Variants in TMEM151B observed in about 807,000 individuals in gnomAD.
TMEM151B encodes the protein transmembrane protein 151B, also known as transmembrane protein 193.
A neutral mutation model predicts 33.0 loss-of-function variants in TMEM151B; 18 were observed. The ratio of observed to expected loss-of-function variants is 0.55; its 90% CI spans 0.38 to 0.81. TMEM151B has a LOEUF of 0.81. TMEM151B is among the 30% of genes least tolerant of loss of function. The pLI is 0.00. For missense variants in TMEM151B, 672 were observed against 843.4 expected (o/e 0.80, Z 2.52); for synonymous variants, 354 against 373.6 (o/e 0.95, Z 0.61).
At position 44,276,371 on chromosome 6, in the gene TMEM151B, C is replaced by CGACGAG. The variant is rs999617456; in HGVS notation, c.1551_1556dup (p.Glu517_Asp518dup). The CGACGAG allele has an allele frequency of 8.6e-6, 13 of 1,512,352 alleles. No individual in the cohort carries two copies. The highest frequency in any genetic ancestry group is 2.7e-5 in the East Asian group (1 of 37,656). The allele number at this position is 1,512,352 out of a possible 1,614,324, so 93.7% of individuals were successfully genotyped here. A position where few individuals can be genotyped will look rare whatever the true frequency, so the allele number is the denominator to read the frequency against. ...TGTCCAGCCAGGCCAGCATGGGGGA[C>CGACGAG]GACGAGGACGACGACGAGGAGGAGG... On this transcript the variant is annotated inframe_insertion, in exon 3 of 3. Coordinates refer to ENST00000451188, the MANE Select transcript of TMEM151B (RefSeq NM_001137560.2).
At chr6:44,271,061 G>A (rs1305147049) in intron 1 of TMEM151B, among the ~76,000 whole-genome samples, 184 bp downstream of exon 1, 2 of 150,544 alleles carry the variant, frequency 1.3e-5, no homozygotes, top group African/African-American at 2.4e-5. Flanking sequence ...CGGTGCCGGG[G>A]AAGGGGCCGC....
Position 44,270,753 on chromosome 6 carries a change from C to G in TMEM151B, c.11C>G (p.Pro4Arg). 1 of 1,094,614 alleles carries G rather than the reference C, an allele frequency of 9.1e-7. No individual in the cohort carries two copies. The highest frequency in any genetic ancestry group is 4.4e-5 in the South Asian group (1 of 22,772). 67.8% of individuals were successfully genotyped at this position (1,094,614 alleles called of 1,614,324 possible). ...CGCCCCCTCTACGCCATGTCCCCCCCTGGCTCGGCCGCGGGAGAGAGCGCC... is the reference window on the plus strand; with the variant it reads ...CGCCCCCTCTACGCCATGTCCCCCCGTGGCTCGGCCGCGGGAGAGAGCGCC... MSP[P>R]GSAAGESAAG... Residue 4 changes from proline (P) to arginine (R), a missense_variant, in exon 1 of 3, where the codon CCT becomes CGT. By Grantham distance (103) the Pro-to-Arg change is moderately radical. This residue lies in a region of TMEM151B where 63 missense variants were observed against 57.2 expected (regional missense o/e 1.10). Coordinates refer to ENST00000451188, the MANE Select transcript of TMEM151B (RefSeq NM_001137560.2).
intron 1 of TMEM151B, among the ~76,000 whole-genome samples, 180 bp downstream of exon 1, chr6:44,271,057 C>G (rs1252389282): frequency 2.0e-5 from 3 of 149,848 alleles, no homozygotes; most frequent in Non-Finnish European, 3.0e-5. Flanking sequence ...TCCGCGGTGC[C>G]GGGGAAGGGG....
Position 44,275,631 on chromosome 6 carries a change from G to A in TMEM151B, c.805G>A (p.Ala269Thr), listed in dbSNP as rs1205065144. Residue 269 changes from alanine to threonine, a missense_variant, in exon 3 of 3, where the codon GCA (alanine) becomes ACA (threonine). Around this residue, in one of 3 missense-constraint regions of TMEM151B, gnomAD observed 285 missense variants for 423.1 expected, o/e 0.67. Coordinates refer to ENST00000451188, the MANE Select transcript of TMEM151B (RefSeq NM_001137560.2). ...CGAGGGCCTAGACGACTACATGGAG[G>A]CACGCGAGGGCATGCACCTCAAGAA... ...ENEGLDDYME[A>T]REGMHLKNVD... The A allele has an allele frequency of 6.4e-7, 1 of 1,551,246 alleles. No homozygotes were observed. Among genetic ancestry groups the A allele is most frequent in the East Asian group, 2.4e-5 (1 of 40,902 alleles).
chr6:44,276,062 G>T lies in TMEM151B; in HGVS notation c.1236G>T (p.Ser412=), dbSNP rs1055602312. 4 of 1,342,394 alleles carry T rather than the reference G, an allele frequency of 3.0e-6. No homozygotes were observed. The highest frequency in any genetic ancestry group is 1.5e-5 in the African/African-American group (1 of 64,828). The allele number at this position is 1,342,394 out of a possible 1,614,324, so 83.2% of individuals were successfully genotyped here. A position where few individuals can be genotyped will look rare whatever the true frequency, so the allele number is the denominator to read the frequency against. The change falls in exon 3 of 3, where the codon TCG becomes TCT. Residue 412 remains serine, a synonymous_variant. Coordinates refer to ENST00000451188, the MANE Select transcript of TMEM151B (RefSeq NM_001137560.2). ...CGGAGGGYAP[S]CRYGGVGGPG... ...GGGCAGGCGGCGGCTACGCGCCCTC[G>T]TGCCGCTACGGTGGGGTAGGCGGCC...
chr6:44,275,133 A>C (rs561862991), intron 2 of TMEM151B, among the ~76,000 whole-genome samples: 1 of 132,526 alleles, frequency 7.5e-6, no homozygotes, highest in East Asian at 2.2e-4. Flanking sequence ...AAAAAAAAAA[A>C]AAAGAAAAAG....
At chr6:44,272,456 C>T (rs571770) in intron 1 of TMEM151B, among the ~76,000 whole-genome samples, 1 of 151,870 alleles carries the variant, frequency 6.6e-6, no homozygotes, top group Admixed American at 6.6e-5. Flanking sequence ...ATCCAAAGGA[C>T]GTGTTAGGCT....
At position 44,276,307 on chromosome 6, in the gene TMEM151B, G is replaced by C; in HGVS notation, c.1481G>C (p.Ser494Thr). The change falls in exon 3 of 3, where the codon AGC (serine) becomes ACC (threonine). Residue 494 changes from serine to threonine, a missense_variant. By Grantham distance (58) the Ser-to-Thr change is moderately conservative (BLOSUM62 1). Coordinates refer to ENST00000451188, the MANE Select transcript of TMEM151B (RefSeq NM_001137560.2). ...TGCCTGTGGCGCAGCCGCAGCGGGA[G>C]CGTCAACGAGGCCAGCTGCCCCACG... ...RSCLWRSRSG[S>T]VNEASCPTEQ... The C allele has an allele frequency of 7.0e-7, 1 of 1,437,858 alleles. No individual in the cohort carries two copies. The highest frequency in any genetic ancestry group is 9.1e-7 in the Non-Finnish European group (1 of 1,094,896). The allele number at this position is 1,437,858 out of a possible 1,614,324, so 89.1% of individuals were successfully genotyped here.
chr6:44,274,710 TGTG>T (rs908536773), intron 2 of TMEM151B, among the ~76,000 whole-genome samples: 1 of 152,136 alleles, frequency 6.6e-6, no homozygotes, highest in Non-Finnish European at 1.5e-5. Context: ...GGAGGCTGTT[TGTG>T]GTGATGTGGG....
chr6:44,275,814 G>A lies in TMEM151B; in HGVS notation c.988G>A (p.Glu330Lys), dbSNP rs1447191740. Residue 330 changes from glutamate to lysine, a missense_variant, in exon 3 of 3, where the codon GAG (glutamate) becomes AAG (lysine). Physicochemically the swap from Glu to Lys is moderately conservative, Grantham distance 56. Coordinates refer to ENST00000451188, the MANE Select transcript of TMEM151B (RefSeq NM_001137560.2). ...CACGGCCTACGCGCACTACCACGTG[G>A]AGAAGCTATTTGGCCTGGAGGGCCC... ...YRTAYAHYHV[E>K]KLFGLEGPGS... is the part of the protein sequence containing the mutation. 6.5e-7 allele frequency: 1 copy of A among 1,543,320 alleles called. No homozygotes were observed. Among genetic ancestry groups the A allele is most frequent in the Non-Finnish European group, 8.7e-7 (1 of 1,145,794 alleles).
Position 44,276,534 on chromosome 6 carries a change from GC to G in TMEM151B, c.*11del. 7.4e-7 allele frequency: 1 copy of G among 1,347,430 alleles called. No individual in the cohort carries two copies. Among genetic ancestry groups the G allele is most frequent in the Non-Finnish European group, 9.6e-7 (1 of 1,044,374 alleles). 83.5% of individuals were successfully genotyped at this position (1,347,430 alleles called of 1,614,324 possible). On this transcript the variant is annotated 3_prime_UTR_variant, in exon 3 of 3. Coordinates refer to ENST00000451188, the MANE Select transcript of TMEM151B (RefSeq NM_001137560.2). Reference sequence around the variant, plus strand: ...CGTAGAGACCTCACTGTGACCTCCGGCCCCGGAGTGGCCCGCGCCGTCCTCC... The same window carrying G: ...CGTAGAGACCTCACTGTGACCTCCGGCCCGGAGTGGCCCGCGCCGTCCTCC...
At chr6:44,271,485 A>G (rs2153336838) in intron 1 of TMEM151B, among the ~76,000 whole-genome samples, 1 of 152,010 alleles carries the variant, frequency 6.6e-6, no homozygotes, top group East Asian at 1.9e-4. Context: ...GGAAAGTACC[A>G]GGAGCACCCC....
rs1782583592 is a variant in TMEM151B at position 44,276,254 on chromosome 6, G to T, written c.1428G>T (p.Leu476=). Residue 476 remains leucine (L), a synonymous_variant, in exon 3 of 3, where the codon CTG becomes CTT. Transcript: ENST00000451188. The part of the protein sequence containing the change: ...GAGCGGSRFS[L]GRLYGSRRSC... ...GCTGCGGGGGCAGCCGCTTCTCGCT[G>T]GGCCGTCTCTACGGCTCCCGGCGCA... 7 of 1,321,026 alleles carry T rather than the reference G, an allele frequency of 5.3e-6. No homozygotes were observed. The South Asian group carries it at 1.5e-4, about 27-fold the overall frequency. 81.8% of individuals were successfully genotyped at this position (1,321,026 alleles called of 1,614,324 possible).
In TMEM151B at chr6:44,270,855, A is replaced by G. The variant is rs1258035578; in HGVS notation, c.113A>G (p.Asp38Gly). Residue 38 changes from aspartate (D) to glycine (G), a missense_variant, in exon 1 of 3, where the codon GAC (aspartate) becomes GGC (glycine). This residue lies in a region of TMEM151B where 63 missense variants were observed against 57.2 expected (regional missense o/e 1.10). Transcript: ENST00000451188. ...LTAAAAAAAA[D>G]EGPAREEQRP... ...GCGGCGGCGGCAGCGGCGGCGGCGG[A>G]CGAGGGCCCCGCCCGAGAGGAGGTG... is the stretch of plus-strand genomic sequence containing the variant. 33 of 1,108,352 alleles carry G rather than the reference A, an allele frequency of 3.0e-5. No individual in the cohort carries two copies. The highest frequency in any genetic ancestry group is 3.6e-5 in the Non-Finnish European group (33 of 911,840). The allele number at this position is 1,108,352 out of a possible 1,614,324, so 68.7% of individuals were successfully genotyped here. A position where few individuals can be genotyped will look rare whatever the true frequency, so the allele number is the denominator to read the frequency against.
rs1424718320 is a variant in TMEM151B at position 44,273,457 on chromosome 6, C to G, written c.527C>G (p.Thr176Ser). 1.3e-6 allele frequency: 2 copies of G among 1,550,890 alleles called. No homozygotes were observed. Among genetic ancestry groups the G allele is most frequent in the African/African-American group, 2.7e-5 (2 of 73,192 alleles). ...KAISYHYVRR[T>S]RQVTRYRNGD... ...ATCAGCTACCACTATGTCCGCCGCA[C>G]CCGCCAGGTCACCAGATACCGCAAT... Residue 176 changes from threonine (T) to serine (S), a missense_variant, in exon 2 of 3, where the codon ACC becomes AGC. By Grantham distance (58) the Thr-to-Ser change is moderately conservative (BLOSUM62 1). This residue lies in a region of TMEM151B where 285 missense variants were observed against 423.1 expected (regional missense o/e 0.67). Coordinates refer to ENST00000451188, the MANE Select transcript of TMEM151B (RefSeq NM_001137560.2).
At position 44,275,325 on chromosome 6, in the gene TMEM151B, C is replaced by T. The variant is rs936906418; in HGVS notation, c.577-78C>T. The stretch of plus-strand genomic sequence containing the variant: ...CCAGGCAACCAGAGCACAGATGGGG[C>T]GGGAAAGGGTGAGTGGGCAGAAGCG... On this transcript the variant is annotated intron_variant, in intron 2 of 2. Transcript: ENST00000451188. 4.2e-6 allele frequency: 6 copies of T among 1,440,184 alleles called. No homozygotes were observed. In the African/African-American group the frequency reaches 7.2e-5, roughly 17 times the overall value. 89.2% of individuals were successfully genotyped at this position (1,440,184 alleles called of 1,614,324 possible). A position where few individuals can be genotyped will look rare whatever the true frequency, so the allele number is the denominator to read the frequency against.
In TMEM151B at chr6:44,278,485, T is replaced by C. The variant is rs1782678945; in HGVS notation, c.*1958T>C. 1 of 152,176 alleles carries C rather than the reference T, an allele frequency of 6.6e-6. No individual in the cohort carries two copies. The highest frequency in any genetic ancestry group is 6.5e-5 in the Admixed American group (1 of 15,274). The allele number at this position is 152,176 out of a possible 1,614,324, so 9.4% of individuals were successfully genotyped here. On this transcript the variant is annotated 3_prime_UTR_variant, in exon 3 of 3. Coordinates refer to ENST00000451188, the MANE Select transcript of TMEM151B (RefSeq NM_001137560.2). ...CAGGTGGTGAGCTGCAGCCTCAGGC[T>C]CCATTTCTTAGCCAGCTGGCACCTG...
chr6:44,272,058 A>AT (rs1369709174), intron 1 of TMEM151B, among the ~76,000 whole-genome samples: 1 of 152,142 alleles, frequency 6.6e-6, no homozygotes, highest in Non-Finnish European at 1.5e-5. Flanking sequence ...AGAATGAAGC[A>AT]TGGGCCCTCA....
chr6:44,273,356 C>T lies in TMEM151B; in HGVS notation c.426C>T (p.His142=), dbSNP rs1388724556. 3.2e-6 allele frequency: 5 copies of T among 1,551,520 alleles called. No individual in the cohort carries two copies. The African/African-American group carries it at 5.5e-5, about 17-fold the overall frequency. ...GCCAAGCCCGCCATGAGCTGCAGCA[C>T]CGTGTTGATGTGAGCAGTGTGCGGG... ...WHCQARHELQ[H]RVDVSSVRER... is the part of the protein sequence containing the mutation. Residue 142 remains histidine (H), a synonymous_variant, in exon 2 of 3, where the codon CAC becomes CAT. Transcript: ENST00000451188.
Sources: allele counts gnomAD v4.1 joint callset (sites outside exome capture counted in the v4.1 genomes callset), GRCh38; gene constraint gnomAD v4.1.1; regional missense constraint gnomAD v4.1.1; transcripts MANE v1.5; gene names NCBI Gene and HGNC (gene_info 2026-07-23, HGNC 2026-07-21).